The following PHACTR3 variants were observed in gnomAD, a reference collection of about 807,000 sequenced individuals.
The protein encoded by PHACTR3 is protein phosphatase 1, regulatory subunit 123.
Under a neutral mutation model 66.8 loss-of-function variants are expected in PHACTR3, and 16 were observed. The ratio of observed to expected loss-of-function variants is 0.24; its 90% CI spans 0.16 to 0.36. The LOEUF is 0.36. PHACTR3 is among the 10% of genes least tolerant of loss of function. The pLI, the probability that PHACTR3 is intolerant of heterozygous loss-of-function variation, is 1.00. For missense variants in PHACTR3, 647 were observed against 719.9 expected (o/e 0.90, Z 1.16); for synonymous variants, 323 against 292.1 (o/e 1.11, Z -1.08).
chr20:59,713,738 TC>T (rs141832353), intron 1 of PHACTR3, among the ~76,000 whole-genome samples: 6,830 of 151,918 alleles, frequency 0.045, 505 homozygotes, highest in African/African-American at 0.16. Flanking sequence ...CTCGTTTTTG[TC>T]TTTTGCTTTT....
intron 1 of PHACTR3, among the ~76,000 whole-genome samples, chr20:59,678,210 A>T (rs1263241252): frequency 1.3e-5 from 2 of 152,132 alleles, no homozygotes; most frequent in African/African-American, 4.8e-5. Flanking sequence ...TTGAGCCCTG[A>T]GTCTATATTA....
chr20:59,807,321 G>A (rs780369602), intron 8 of PHACTR3, among the ~76,000 whole-genome samples: 11 of 151,972 alleles, frequency 7.2e-5, no homozygotes, highest in South Asian at 2.1e-4. Flanking sequence ...CACAAATGCC[G>A]CATTAGCCTA....
chr20:59,577,706 TCCCTTG>T (rs1568911830), intron 1 of PHACTR3: 1 of 901,514 alleles, frequency 1.1e-6, no homozygotes, highest in African/African-American at 1.8e-5. Context: ...TCCTCCTGAA[TCCCTTG>T]CCCTTGGCCG....
upstream of PHACTR3, among the ~76,000 whole-genome samples, chr20:59,599,850 T>C (rs115843000): frequency 5.7e-3 from 872 of 152,268 alleles, 15 homozygotes; most frequent in African/African-American, 0.02. Context: ...AGGCTGCTGC[T>C]ACCACTCACC....
chr20:59,668,061 T>A (rs1164810591), intron 1 of PHACTR3, among the ~76,000 whole-genome samples: 2 of 152,056 alleles, frequency 1.3e-5, no homozygotes, highest in African/African-American at 4.8e-5. Flanking sequence ...CAGATAGAGG[T>A]GGGCACATAC....
intron 1 of PHACTR3, among the ~76,000 whole-genome samples, chr20:59,627,633 A>G (rs376318083): frequency 5.9e-5 from 9 of 152,178 alleles, no homozygotes; most frequent in African/African-American, 2.2e-4. Flanking sequence ...GTGTGGTTGG[A>G]TAGAGATATC....
At chr20:59,817,092 G>A (rs6027138) in intron 8 of PHACTR3, among the ~76,000 whole-genome samples, 126,083 of 152,312 alleles carry the variant, frequency 0.83, 52,495 homozygotes, top group East Asian at 0.92. Flanking sequence ...GTTTAGTTCA[G>A]TACAATAAGT....
chr20:59,616,319 G>T (rs369416523), intron 1 of PHACTR3, among the ~76,000 whole-genome samples: 10 of 152,198 alleles, frequency 6.6e-5, no homozygotes, highest in African/African-American at 2.4e-4. Flanking sequence ...CCATGTCTTG[G>T]TGGATAAGAG....
chr20:59,724,993 G>C (rs1434037861), intron 1 of PHACTR3, among the ~76,000 whole-genome samples: 23 of 151,386 alleles, frequency 1.5e-4, no homozygotes, highest in African/African-American at 2.4e-5. Context: ...AGCCCAGGTG[G>C]GTTTGAGCTC....
rs115932758 is a variant in PHACTR3, at chr20:59,799,897, T to G, written c.1175-6144T>G. Among the ~76,000 whole-genome samples the G allele has an allele frequency of 8.3e-3, 1,271 of 152,284 alleles. 17 individuals are homozygous for G. Among genetic ancestry groups the G allele is most frequent in the African/African-American group, 0.028 (1,168 of 41,582 alleles). ...TCTTTTCTATCTTTCTGCTTTCTTT[T>G]GGATTGAGTGATTCTTTTATTCCAC... On this transcript the variant is annotated intron_variant, in intron 7 of 12. Transcript: ENST00000371015.
chr20:59,727,194 A>G (rs1475287725), intron 1 of PHACTR3, among the ~76,000 whole-genome samples: 2 of 152,142 alleles, frequency 1.3e-5, no homozygotes, highest in Non-Finnish European at 2.9e-5. Flanking sequence ...CGGACGCTAT[A>G]TGGACTTTTG....
intron 1 of PHACTR3, among the ~76,000 whole-genome samples, chr20:59,716,715 T>C (rs2426823): frequency 0.46 from 69,325 of 152,136 alleles, 17,322 homozygotes; most frequent in Middle Eastern, 0.57. Context: ...TCTGTATGAT[T>C]ATTTTTGTTT....
chr20:59,700,241 A>G (rs1010195397), intron 1 of PHACTR3, among the ~76,000 whole-genome samples: 2 of 152,170 alleles, frequency 1.3e-5, no homozygotes, highest in Non-Finnish European at 2.9e-5. Context: ...GTGTTGCCTG[A>G]TAATCTGTGG....
intron 1 of PHACTR3, among the ~76,000 whole-genome samples, chr20:59,662,053 G>A (rs2035826083): frequency 6.6e-6 from 1 of 152,066 alleles, no homozygotes. Context: ...GTGCTTGAAG[G>A]GCACTCTTTG....
rs2042291851 is a variant in PHACTR3, at chr20:59,829,621, C to T, written c.1329-6884C>T. Among the ~76,000 whole-genome samples, 4 of 151,990 alleles carry T rather than the reference C, an allele frequency of 2.6e-5. No individual in the cohort carries two copies. The highest frequency in any genetic ancestry group is 5.9e-5 in the Non-Finnish European group (4 of 67,974). ...GGAGACGCTGCCTCGCTGGGGAATC[C>T]CATCTCCAGGCGGGGGCCGCCAGCT... On this transcript the variant is annotated intron_variant, in intron 8 of 12. Transcript: ENST00000371015. This position sits in a 1 kb window ranked among gnomAD's most constrained non-coding sequence, Gnocchi z 4.2.
intron 6 of PHACTR3, among the ~76,000 whole-genome samples, chr20:59,773,801 G>T (rs946963833): frequency 6.6e-6 from 1 of 152,208 alleles, no homozygotes; most frequent in African/African-American, 2.4e-5. Flanking sequence ...GACACTGAGG[G>T]CTTCATAGTT....
chr20:59,757,173 G>A (rs1476599631), intron 4 of PHACTR3, among the ~76,000 whole-genome samples: 1 of 152,198 alleles, frequency 6.6e-6, no homozygotes, highest in Non-Finnish European at 1.5e-5. Context: ...TGTGGCCTGT[G>A]AGCCTCCCCA....
At chr20:59,750,660 G>A (rs2039545788) in intron 3 of PHACTR3, among the ~76,000 whole-genome samples, 1 of 151,516 alleles carries the variant, frequency 6.6e-6, no homozygotes, top group Non-Finnish European at 1.5e-5. Flanking sequence ...GCGGGAGCCT[G>A]GGGCGGCCAC....
intron 1 of PHACTR3, among the ~76,000 whole-genome samples, chr20:59,686,505 G>C (rs2036865284): frequency 6.6e-6 from 1 of 152,200 alleles, no homozygotes; most frequent in Admixed American, 6.5e-5. Context: ...TTGTGATGAT[G>C]GTGGTGATGA....
Sources: allele counts gnomAD v4.1 joint callset (sites outside exome capture counted in the v4.1 genomes callset), GRCh38; gene constraint gnomAD v4.1.1; non-coding constraint Gnocchi (gnomAD v3.1); transcripts MANE v1.5; gene names NCBI Gene and HGNC (gene_info 2026-07-23, HGNC 2026-07-21).